NRIP1: variants seen among roughly 807,000 people sequenced by gnomAD.
The protein encoded by NRIP1 is nuclear receptor-interacting protein 1.
NRIP1 carries 28 observed loss-of-function variants against 75.0 expected under a neutral mutation model. The ratio of observed to expected loss-of-function variants is 0.37; its 90% confidence interval spans 0.28 to 0.51. The LOEUF (loss-of-function observed/expected upper bound fraction) is 0.51. NRIP1 is among the 20% of genes least tolerant of loss of function. The pLI, the probability that NRIP1 is intolerant of heterozygous loss-of-function variation, is 0.92. For synonymous variants in NRIP1, 526 were observed against 487.6 expected (o/e 1.08, Z -1.04); for missense variants, 1,435 against 1,343.7 (o/e 1.07, Z -1.06).
At chr21:15,008,922 CTT>C (rs890963500) in intron 3 of NRIP1, among the ~76,000 whole-genome samples, 7 of 152,126 alleles carry the variant, frequency 4.6e-5, no homozygotes, top group Admixed American at 2.0e-4. Flanking sequence ...TTGTGTAACT[CTT>C]GTTTTAAATT....
At chr21:15,015,504 G>A (rs2088203839) in intron 2 of NRIP1, among the ~76,000 whole-genome samples, 1 of 152,054 alleles carries the variant, frequency 6.6e-6, no homozygotes, top group African/African-American at 2.4e-5. Flanking sequence ...ATGGAGGATA[G>A]GTGTAAATAT....
At chr21:14,991,077 C>T (rs550652951) in intron 3 of NRIP1, 1 of 151,986 alleles carries the variant, frequency 6.6e-6, no homozygotes, top group South Asian at 2.1e-4. Context: ...AGCCCTGGCC[C>T]AAAATGTCTT....
At chr21:15,029,136 G>A (rs777389840) in intron 2 of NRIP1, among the ~76,000 whole-genome samples, 9 of 152,216 alleles carry the variant, frequency 5.9e-5, no homozygotes, top group East Asian at 1.9e-4. Context: ...CATAATGGCC[G>A]CCTCACTGGT....
chr21:15,047,746 G>C (rs922634156), intron 1 of NRIP1, among the ~76,000 whole-genome samples: 1 of 152,130 alleles, frequency 6.6e-6, no homozygotes, highest in African/African-American at 2.4e-5. Context: ...GCTGCTTTGT[G>C]TTCTTATCAT....
At chr21:15,032,574 G>C (rs983314732) in intron 2 of NRIP1, among the ~76,000 whole-genome samples, 1 of 151,500 alleles carries the variant, frequency 6.6e-6, no homozygotes, top group Admixed American at 6.6e-5. Flanking sequence ...TTCTCTAATA[G>C]TAAACAAAGG....
At chr21:15,026,658 G>C (rs2147235331) in intron 2 of NRIP1, among the ~76,000 whole-genome samples, 1 of 151,918 alleles carries the variant, frequency 6.6e-6, no homozygotes, top group South Asian at 2.1e-4. Flanking sequence ...TATCAACATA[G>C]GTATATCAAA....
At chr21:15,013,185 C>T (rs2251399) in intron 3 of NRIP1, among the ~76,000 whole-genome samples, 50,448 of 151,948 alleles carry the variant, frequency 0.33, 12,129 homozygotes, top group African/African-American at 0.66. Context: ...AATGAATATA[C>T]GAAAAGTGAC....
chr21:14,967,237 T>C lies in NRIP1; in HGVS notation c.956A>G (p.Lys319Arg). Residue 319 changes from lysine (K) to arginine (R), a missense_variant, in exon 4 of 4, where the codon AAA (lysine) becomes AGA (arginine). Lys to Arg is a conservative substitution (Grantham distance 26, BLOSUM62 2). Transcript: ENST00000318948. The stretch of plus-strand genomic sequence containing the variant: ...ACCATTAAGATGGCTTGACATTCCT[T>C]TTGGGAGCTGGTAACTGCCAACATC... The part of the protein sequence containing the change: ...QKDVGSYQLP[K>R]GMSSHLNGQA... 6.2e-7 allele frequency: 1 copy of C among 1,614,030 alleles called. No homozygotes were observed. Among genetic ancestry groups the C allele is most frequent in the Non-Finnish European group, 8.5e-7 (1 of 1,179,988 alleles).
intron 1 of NRIP1, among the ~76,000 whole-genome samples, chr21:15,046,553 T>C (rs1438297370): frequency 6.6e-6 from 1 of 152,204 alleles, no homozygotes; most frequent in African/African-American, 2.4e-5. Context: ...ATTTTTGGAA[T>C]GGCCAAACAT....
intron 3 of NRIP1, among the ~76,000 whole-genome samples, chr21:14,997,160 T>C (rs904478433): frequency 4.6e-5 from 7 of 152,128 alleles, no homozygotes; most frequent in Non-Finnish European, 7.4e-5. Flanking sequence ...AATAAATTTT[T>C]ACAATTAAAG....
chr21:15,060,303 A>C (rs2089396863), intron 1 of NRIP1, among the ~76,000 whole-genome samples: 1 of 152,206 alleles, frequency 6.6e-6, no homozygotes, highest in South Asian at 2.1e-4. Context: ...CTAAATTTCA[A>C]GAAAAAACAA....
chr21:14,983,943 A>T (rs560450061), intron 3 of NRIP1, among the ~76,000 whole-genome samples: 20 of 152,318 alleles, frequency 1.3e-4, no homozygotes, highest in African/African-American at 4.6e-4. Flanking sequence ...GTACACTAAG[A>T]GCTCTGCTGC....
chr21:14,993,764 A>C (rs1467144990), intron 3 of NRIP1, among the ~76,000 whole-genome samples: 2 of 152,060 alleles, frequency 1.3e-5, no homozygotes, highest in African/African-American at 4.8e-5. Context: ...CAGCCTGGGC[A>C]ACAGAGAGAG....
At chr21:15,050,303 G>A in intron 1 of NRIP1, 1 of 183,678 alleles carries the variant, frequency 5.4e-6, no homozygotes, top group Non-Finnish European at 1.1e-5. Context: ...ACCTCAGGAA[G>A]AATATAATCT....
At chr21:15,045,820 T>C (rs1036139407) in intron 1 of NRIP1, among the ~76,000 whole-genome samples, 1 of 152,238 alleles carries the variant, frequency 6.6e-6, no homozygotes, top group African/African-American at 2.4e-5. Flanking sequence ...ATTTCAACAA[T>C]GTTCACAGTA....
At chr21:15,038,698 T>G (rs1031109174) in intron 2 of NRIP1, among the ~76,000 whole-genome samples, 2 of 152,128 alleles carry the variant, frequency 1.3e-5, no homozygotes, top group African/African-American at 4.8e-5. Flanking sequence ...CCAAATGTAT[T>G]CTTATGCTTA....
intron 1 of NRIP1, chr21:15,051,272 C>CTA: frequency 5.7e-6 from 1 of 174,392 alleles, no homozygotes; most frequent in Non-Finnish European, 1.2e-5. Context: ...ACACAGAACT[C>CTA]TGTGTGTGTG....
chr21:15,015,825 C>T (rs2088214168), intron 2 of NRIP1, among the ~76,000 whole-genome samples: 1 of 151,976 alleles, frequency 6.6e-6, no homozygotes, highest in African/African-American at 2.4e-5. Context: ...TGCTGATTTG[C>T]ATTTTCTAAT....
chr21:14,990,124 C>T (rs1172768301), intron 3 of NRIP1, among the ~76,000 whole-genome samples: 2 of 152,150 alleles, frequency 1.3e-5, no homozygotes, highest in African/African-American at 4.8e-5. Flanking sequence ...GGTTCAGTCA[C>T]GATTCTAGCG....
Sources: allele counts gnomAD v4.1 joint callset (sites outside exome capture counted in the v4.1 genomes callset), GRCh38; gene constraint gnomAD v4.1.1; transcripts MANE v1.5; gene names NCBI Gene and HGNC (gene_info 2026-07-23, HGNC 2026-07-21).